TATDN2: variants seen among roughly 807,000 people sequenced by gnomAD.
TATDN2 encodes the protein 3'-5' RNA nuclease TATDN2.
Under a neutral mutation model 60.3 loss-of-function variants are expected in TATDN2, and 44 were observed. That is an observed-to-expected ratio of 0.73 (90% confidence interval 0.57 to 0.94). TATDN2 has a LOEUF of 0.94. Among genes scored for constraint, TATDN2 ranks in the 40% least tolerant of loss-of-function variants. The pLI is 0.00. For synonymous variants in TATDN2, 399 were observed against 355.8 expected, an observed-to-expected ratio of 1.12 and a Z score of -1.37; for missense variants, 997 against 948.0, an observed-to-expected ratio of 1.05 and a Z score of -0.68.
Position 10,249,464 on chromosome 3 carries a change from C to A in TATDN2, c.264C>A (p.Phe88Leu). The part of the protein sequence containing the change: ...NNSSSSFSPH[F>L]LGPGVGGAAS... ...CCTCCTCCTCCTTCTCCCCACATTTCTTGGGCCCTGGTGTGGGCGGGGCCG... is the reference window on the plus strand; with the variant it reads ...CCTCCTCCTCCTTCTCCCCACATTTATTGGGCCCTGGTGTGGGCGGGGCCG... Residue 88 changes from phenylalanine to leucine, a missense_variant, in exon 2 of 8, where the codon TTC (phenylalanine) becomes TTA (leucine). Physicochemically the swap from Phe to Leu is conservative, Grantham distance 22 (BLOSUM62 0). Coordinates refer to ENST00000448281, the MANE Select transcript of TATDN2 (RefSeq NM_014760.4). The A allele has an allele frequency of 1.2e-6, 2 of 1,613,940 alleles. No homozygotes were observed. Among genetic ancestry groups the A allele is most frequent in the Non-Finnish European group, 1.7e-6 (2 of 1,180,008 alleles).
intron 3 of TATDN2, among the ~76,000 whole-genome samples, chr3:10,263,798 T>C (rs1039369385): frequency 6.6e-6 from 1 of 152,190 alleles, no homozygotes; most frequent in African/African-American, 2.4e-5. Context: ...TGATCAAGAA[T>C]GGGAGGATTA....
chr3:10,249,699 A>G (rs1361056870), intron 2 of TATDN2, 85 bp downstream of exon 2: 5 of 1,398,512 alleles, frequency 3.6e-6, no homozygotes, highest in Non-Finnish European at 4.7e-6. Flanking sequence ...GTGGAAGGAG[A>G]CTACAAAACA....
intron 3 of TATDN2, among the ~76,000 whole-genome samples, chr3:10,269,920 A>G (rs541436252): frequency 2.9e-4 from 44 of 152,254 alleles, no homozygotes; most frequent in Admixed American, 1.1e-3. Context: ...CCTGAACCCA[A>G]TACAGCTGTT....
intron 2 of TATDN2, among the ~76,000 whole-genome samples, chr3:10,255,032 T>TCC (rs1488586574): frequency 8.0e-5 from 1 of 12,476 alleles, no homozygotes; most frequent in Non-Finnish European, 1.7e-4. Flanking sequence ...CCCCTCCCCC[T>TCC]CCCTCCTTTC....
intron 4 of TATDN2, 122 bp from the exon 5 acceptor site, chr3:10,276,238 TA>T: frequency 8.1e-7 from 1 of 1,227,466 alleles, no homozygotes; most frequent in Admixed American, 2.3e-5. Context: ...CATTAGCTAT[TA>T]TTACATTATA....
chr3:10,249,488 C>T lies in TATDN2; in HGVS notation c.288C>T (p.Ala96=). The T allele has an allele frequency of 6.2e-7, 1 of 1,613,170 alleles. No individual in the cohort carries two copies. The highest frequency in any genetic ancestry group is 1.1e-5 in the South Asian group (1 of 91,022). ...PHFLGPGVGG[A]ASKGCLIRNT... ...TCTTGGGCCCTGGTGTGGGCGGGGCCGCCTCCAAAGGCTGCCTGATTCGGA... is the reference window on the plus strand; with the variant it reads ...TCTTGGGCCCTGGTGTGGGCGGGGCTGCCTCCAAAGGCTGCCTGATTCGGA... The change falls in exon 2 of 8, where the codon GCC becomes GCT. Residue 96 remains alanine (A), a synonymous_variant. Coordinates refer to ENST00000448281, the MANE Select transcript of TATDN2 (RefSeq NM_014760.4).
At chr3:10,257,607 A>AC (rs1344825542) in intron 2 of TATDN2, among the ~76,000 whole-genome samples, 1 of 149,054 alleles carries the variant, frequency 6.7e-6, no homozygotes, top group African/African-American at 2.4e-5. Flanking sequence ...CAAAAAAAAA[A>AC]AAAACAAAAA....
intron 4 of TATDN2, among the ~76,000 whole-genome samples, chr3:10,274,525 A>C (rs1276430822): frequency 6.6e-6 from 1 of 152,000 alleles, no homozygotes; most frequent in East Asian, 1.9e-4. Context: ...TTATTTCACT[A>C]CTCTGAGGGA....
At chr3:10,249,173 C>A (rs1329921487) in intron 1 of TATDN2, 22 bp from the exon 2 acceptor site, 1 of 1,487,192 alleles carries the variant, frequency 6.7e-7, no homozygotes. Context: ...GTGTTGGAAT[C>A]CAGGCCCCCT....
intron 3 of TATDN2, among the ~76,000 whole-genome samples, chr3:10,261,670 A>G (rs1698405138): frequency 6.6e-6 from 1 of 152,158 alleles, no homozygotes; most frequent in African/African-American, 2.4e-5. Context: ...GCCAGGCCAC[A>G]TTCCTCCATC....
intron 2 of TATDN2, among the ~76,000 whole-genome samples, chr3:10,258,803 C>T (rs1172665471): frequency 1.3e-5 from 2 of 152,108 alleles, no homozygotes; most frequent in Non-Finnish European, 2.9e-5. Flanking sequence ...CCTGCATTCC[C>T]CAAAGAGATC....
intron 2 of TATDN2, among the ~76,000 whole-genome samples, chr3:10,253,671 T>C (rs1439033469): frequency 6.6e-6 from 1 of 152,234 alleles, no homozygotes; most frequent in Non-Finnish European, 1.5e-5. Context: ...TGGTCAACTA[T>C]GATTCTCGAT....
chr3:10,261,792 G>A (rs149913765), intron 3 of TATDN2, among the ~76,000 whole-genome samples: 4 of 152,290 alleles, frequency 2.6e-5, no homozygotes, highest in African/African-American at 9.6e-5. Context: ...CTGTTGATCA[G>A]TTTTTCAGTT....
intron 4 of TATDN2, among the ~76,000 whole-genome samples, chr3:10,274,588 C>T (rs1242755712): frequency 6.6e-6 from 1 of 152,160 alleles, no homozygotes; most frequent in South Asian, 2.1e-4. Context: ...CTTGAAACCT[C>T]TGCTGCCTGT....
chr3:10,269,795 T>C (rs1452180045), intron 3 of TATDN2, among the ~76,000 whole-genome samples: 1 of 152,202 alleles, frequency 6.6e-6, no homozygotes, highest in Non-Finnish European at 1.5e-5. Context: ...TGCTTTTCTC[T>C]AAAATCTCCA....
Position 10,276,343 on chromosome 3 carries a change from C to T in TATDN2, c.1834-18C>T, listed in dbSNP as rs758755620. ...AGTGCTGCTAACCAACAGGGGTTGT[C>T]GCTGTGTCCTCTCCTAGGTATTTGA... is the stretch of plus-strand genomic sequence containing the variant. On this transcript the variant is annotated intron_variant, in intron 4 of 7. Coordinates refer to ENST00000448281, the MANE Select transcript of TATDN2 (RefSeq NM_014760.4). The T allele has an allele frequency of 5.0e-6, 8 of 1,612,626 alleles. No individual in the cohort carries two copies. The highest frequency in any genetic ancestry group is 1.1e-5 in the South Asian group (1 of 90,930).
chr3:10,276,600 T>A, intron 5 of TATDN2, 112 bp downstream of exon 5: 2 of 1,429,290 alleles, frequency 1.4e-6, no homozygotes, highest in Non-Finnish European at 1.8e-6. Context: ...TCTTTTTTTT[T>A]TTTTTCGAGA....
intron 3 of TATDN2, among the ~76,000 whole-genome samples, chr3:10,268,195 T>C (rs1010446042): frequency 1.1e-4 from 16 of 152,254 alleles, no homozygotes; most frequent in African/African-American, 3.9e-4. Flanking sequence ...ATTTCTGCCA[T>C]TCAAGCAGTA....
intron 3 of TATDN2, among the ~76,000 whole-genome samples, chr3:10,262,361 A>G (rs1698418587): frequency 6.6e-6 from 1 of 152,114 alleles, no homozygotes; most frequent in African/African-American, 2.4e-5. Context: ...TTTTTCTAGT[A>G]GCTTCTTGAG....
Sources: allele counts gnomAD v4.1 joint callset (sites outside exome capture counted in the v4.1 genomes callset), GRCh38; gene constraint gnomAD v4.1.1; transcripts MANE v1.5; gene names NCBI Gene and HGNC (gene_info 2026-07-23, HGNC 2026-07-21).